The following PARP8 variants were observed in gnomAD, a reference collection of about 807,000 sequenced individuals.
The protein encoded by PARP8 is poly(ADP-ribose) polymerase family member 8.
A neutral mutation model predicts 124.1 loss-of-function variants in PARP8; 51 were observed. The observed-to-expected ratio is 0.41, with a 90% CI of 0.33 to 0.52. PARP8 has a LOEUF of 0.52. Among genes scored for constraint, PARP8 ranks in the 20% least tolerant of loss-of-function variants. The pLI, the probability that PARP8 is intolerant of heterozygous loss-of-function variation, is 0.21. For synonymous variants in PARP8, 391 were observed against 361.5 expected (o/e 1.08, Z -0.93); for missense variants, 860 against 1,018.9 (o/e 0.84, Z 2.12).
intron 2 of PARP8, among the ~76,000 whole-genome samples, chr5:50,676,527 G>A (rs925742907): frequency 5.3e-5 from 8 of 152,272 alleles, no homozygotes; most frequent in South Asian, 2.1e-4. Flanking sequence ...TCCGTCTTCC[G>A]TCTCATAGGG....
chr5:50,798,043 A>T (rs1271762640), intron 14 of PARP8, among the ~76,000 whole-genome samples: 1 of 152,228 alleles, frequency 6.6e-6, no homozygotes, highest in African/African-American at 2.4e-5. Context: ...TGGATATTTG[A>T]TATGAATGGA....
chr5:50,826,811 GTTTTT>G lies in PARP8; in HGVS notation c.1977+18_1977+22del. 1 of 1,427,934 alleles carries G rather than the reference GTTTTT, an allele frequency of 7.0e-7. No individual in the cohort carries two copies. The highest frequency in any genetic ancestry group is 2.6e-5 in the East Asian group (1 of 39,112). 88.5% of individuals were successfully genotyped at this position (1,427,934 alleles called of 1,614,324 possible). A position where few individuals can be genotyped will look rare whatever the true frequency, so the allele number is the denominator to read the frequency against. Reference sequence around the variant, plus strand: ...AAACTGCCAGTTAACAGGGTAAGTTGTTTTTTTTTTTTTTACATATGCATACAGAA... The same window carrying G: ...AAACTGCCAGTTAACAGGGTAAGTTGTTTTTTTTTACATATGCATACAGAA... On this transcript the variant is annotated intron_variant, in intron 19 of 25. Transcript: ENST00000281631.
At chr5:50,693,042 T>A (rs1253115393) in intron 2 of PARP8, among the ~76,000 whole-genome samples, 3 of 152,182 alleles carry the variant, frequency 2.0e-5, no homozygotes, top group African/African-American at 7.2e-5. Context: ...TTCATATAAG[T>A]TAAACATCAA....
rs192445675 is a variant in PARP8, at chr5:50,702,256, A to C, written c.146+34131A>C. ...TTTTTTTAAAAAAGATAAGTATTAC[A>C]TCACAGTTGATCACATAATTGCAGT... On this transcript the variant is annotated intron_variant, in intron 2 of 25. Coordinates refer to ENST00000281631, the MANE Select transcript of PARP8 (RefSeq NM_024615.4). 2.9e-3 allele frequency among the ~76,000 whole-genome samples: 446 copies of C among 152,294 alleles called. 1 individual carries two copies. The highest frequency in any genetic ancestry group is 4.2e-3 in the Non-Finnish European group (285 of 68,004).
intron 2 of PARP8, among the ~76,000 whole-genome samples, chr5:50,718,526 T>C (rs1755549530): frequency 6.6e-6 from 1 of 151,860 alleles, no homozygotes; most frequent in Admixed American, 6.6e-5. Context: ...AGTAATTTGG[T>C]TCAGTTTTTT....
At chr5:50,764,560 G>T (rs1372320617) in intron 7 of PARP8, among the ~76,000 whole-genome samples, 1 of 152,174 alleles carries the variant, frequency 6.6e-6, no homozygotes, top group African/African-American at 2.4e-5. Context: ...GTGTACCCAG[G>T]CTGTCTCTGT....
chr5:50,801,420 G>T (rs1468835116), intron 14 of PARP8, among the ~76,000 whole-genome samples: 4 of 152,012 alleles, frequency 2.6e-5, no homozygotes, highest in African/African-American at 9.7e-5. Flanking sequence ...ATTTTATTTT[G>T]GGTGAAATGT....
intron 2 of PARP8, among the ~76,000 whole-genome samples, chr5:50,748,495 G>T (rs926057548): frequency 2.0e-5 from 3 of 152,062 alleles, no homozygotes; most frequent in African/African-American, 7.2e-5. Context: ...CTTTCCGTCT[G>T]GTATTATTCA....
intron 2 of PARP8, chr5:50,744,995 C>T: frequency 2.0e-6 from 1 of 489,436 alleles, no homozygotes; most frequent in Non-Finnish European, 3.6e-6. Context: ...GCCAATCATC[C>T]ATGTCTGTTT....
chr5:50,681,861 T>G (rs1201856722), intron 2 of PARP8, among the ~76,000 whole-genome samples: 6 of 152,190 alleles, frequency 3.9e-5, no homozygotes, highest in African/African-American at 9.6e-5. Context: ...GTTCTACTTT[T>G]TCAGCTTGTT....
intron 2 of PARP8, among the ~76,000 whole-genome samples, chr5:50,726,124 A>T (rs190912373): frequency 0.01 from 1,529 of 151,376 alleles, 35 homozygotes; most frequent in African/African-American, 0.035. Context: ...TTTTTTTTTT[A>T]AATTTTTTAT....
intron 2 of PARP8, among the ~76,000 whole-genome samples, chr5:50,697,024 T>C (rs1753106025): frequency 6.6e-6 from 1 of 152,022 alleles, no homozygotes; most frequent in East Asian, 1.9e-4. Context: ...ATCCCAGCAC[T>C]TTGGGAGGCT....
At chr5:50,818,189 C>T (rs35187684) in intron 15 of PARP8, among the ~76,000 whole-genome samples, 1 of 136,272 alleles carries the variant, frequency 7.3e-6, no homozygotes, top group Admixed American at 7.2e-5. Flanking sequence ...CCCCCCCCCC[C>T]AAAAAAAAGA....
intron 1 of PARP8, 57 bp downstream of exon 1, chr5:50,667,243 C>CCG (rs1264641457): frequency 6.5e-7 from 1 of 1,549,160 alleles, no homozygotes; most frequent in Non-Finnish European, 8.8e-7. Flanking sequence ...AGTTTTCTGA[C>CCG]CGCGACGTCT....
At chr5:50,824,037 GA>G (rs1746064969) in intron 17 of PARP8, among the ~76,000 whole-genome samples, 1 of 152,232 alleles carries the variant, frequency 6.6e-6, no homozygotes, top group Non-Finnish European at 1.5e-5. Flanking sequence ...CTGTTTTCTA[GA>G]ATGTACTGTC....
At position 50,845,112 on chromosome 5, in the gene PARP8, A is replaced by C. The variant is rs1028120139; in HGVS notation, c.*3044A>C. 1 of 151,672 alleles carries C rather than the reference A, an allele frequency of 6.6e-6. No individual in the cohort carries two copies. The highest frequency in any genetic ancestry group is 1.5e-5 in the Non-Finnish European group (1 of 67,754). The allele number at this position is 151,672 out of a possible 1,614,324, so 9.4% of individuals were successfully genotyped here. A position where few individuals can be genotyped will look rare whatever the true frequency, so the allele number is the denominator to read the frequency against. On this transcript the variant is annotated 3_prime_UTR_variant, in exon 26 of 26. Transcript: ENST00000281631. Reference sequence around the variant, plus strand: ...ATGCTCTGAATGTTTTTCTTTGAAAATTTAAGTTTAGAGAAGAAATTCCTT... The same window carrying C: ...ATGCTCTGAATGTTTTTCTTTGAAACTTTAAGTTTAGAGAAGAAATTCCTT...
chr5:50,687,206 A>T (rs1751965336), intron 2 of PARP8, among the ~76,000 whole-genome samples: 1 of 152,096 alleles, frequency 6.6e-6, no homozygotes, highest in African/African-American at 2.4e-5. Context: ...GATACCCTAA[A>T]TCATCTCTCT....
intron 9 of PARP8, among the ~76,000 whole-genome samples, chr5:50,780,195 G>A (rs934930183): frequency 3.9e-5 from 6 of 152,124 alleles, no homozygotes; most frequent in Admixed American, 3.9e-4. Context: ...TAAGCCATAA[G>A]GGAATGATTT....
intron 2 of PARP8, among the ~76,000 whole-genome samples, chr5:50,738,693 A>G (rs1228155910): frequency 6.7e-6 from 1 of 150,306 alleles, no homozygotes; most frequent in African/African-American, 2.4e-5. Flanking sequence ...AAATACACTA[A>G]TGCTAAAGAA....
Sources: gnomAD v4.1 joint callset for allele counts (sites outside exome capture counted in the v4.1 genomes callset) on GRCh38, gnomAD v4.1.1 for gene constraint, MANE v1.5 for transcripts, NCBI Gene and HGNC (gene_info 2026-07-23, HGNC 2026-07-21) for gene names.